RBM15: variants seen among roughly 807,000 people sequenced by gnomAD.
RBM15 encodes RNA binding motif protein 15.
RBM15 carries 8 observed loss-of-function variants against 62.6 expected under a neutral mutation model. The ratio of observed to expected loss-of-function variants is 0.13; its 90% CI spans 0.07 to 0.23. The LOEUF is 0.23. RBM15 is among the 10% of genes least tolerant of loss of function. The pLI, the probability that RBM15 is intolerant of heterozygous loss-of-function variation, is 1.00. For synonymous variants in RBM15, 606 were observed against 505.7 expected, an observed-to-expected ratio of 1.20 and a Z score of -2.66; for missense variants, 1,144 against 1,286.5, an observed-to-expected ratio of 0.89 and a Z score of 1.69.
chr1:110,341,056 G>C lies in RBM15; in HGVS notation c.1651G>C (p.Asp551His). ...LPLTHYELVT[D>H]AFGHRAPDPL... Reference sequence around the variant, plus strand: ...CTTGACTCATTATGAGCTGGTGACAGATGCTTTTGGACATCGGGCACCAGA... The same window carrying C: ...CTTGACTCATTATGAGCTGGTGACACATGCTTTTGGACATCGGGCACCAGA... Residue 551 changes from aspartate (D) to histidine (H), a missense_variant, in exon 1 of 3, where the codon GAT becomes CAT. Coordinates refer to ENST00000369784, the MANE Select transcript of RBM15 (RefSeq NM_022768.5). This position sits in a 1 kb window ranked among gnomAD's most constrained non-coding sequence, Gnocchi z 4.5. The C allele has an allele frequency of 6.2e-7, 1 of 1,614,210 alleles. No homozygotes were observed. The highest frequency in any genetic ancestry group is 8.5e-7 in the Non-Finnish European group (1 of 1,180,050).
In RBM15 at chr1:110,340,116, C is replaced by G; in HGVS notation, c.711C>G (p.Arg237=). ...GGGCGGCCAAGCATGCCAGAGGCCGCCTGGTGCTCTATGACCGGCCTCTGA... is the reference window on the plus strand; with the variant it reads ...GGGCGGCCAAGCATGCCAGAGGCCGGCTGGTGCTCTATGACCGGCCTCTGA... ...DARAAKHARG[R]LVLYDRPLKI... is the part of the protein sequence containing the mutation. Residue 237 remains arginine, a synonymous_variant, in exon 1 of 3, where the codon CGC becomes CGG. Coordinates refer to ENST00000369784, the MANE Select transcript of RBM15 (RefSeq NM_022768.5). This position sits in a 1 kb window ranked among gnomAD's most constrained non-coding sequence, Gnocchi z 5.8. The G allele has an allele frequency of 6.2e-7, 1 of 1,613,856 alleles. No homozygotes were observed. The highest frequency in any genetic ancestry group is 8.5e-7 in the Non-Finnish European group (1 of 1,179,956).
rs1186774869 is a variant in RBM15 at position 110,341,213 on chromosome 1, C to T, written c.1808C>T (p.Thr603Ile). ...GAACGCAGCACTCGGACTGCAGCTA[C>T]TTCTGTGCCTGCTTACGAGCCACTG... ...VRERSTRTAA[T>I]SVPAYEPLDS... The change falls in exon 1 of 3, where the codon ACT (threonine) becomes ATT (isoleucine). Residue 603 changes from threonine to isoleucine, a missense_variant. By Grantham distance (89) the Thr-to-Ile change is moderately conservative. Transcript: ENST00000369784. The surrounding 1 kb of genome is among the most constrained non-coding windows in gnomAD (Gnocchi z 4.5). The T allele has an allele frequency of 1.9e-6, 3 of 1,614,138 alleles. No individual in the cohort carries two copies. The highest frequency in any genetic ancestry group is 2.5e-6 in the Non-Finnish European group (3 of 1,180,024).
At chr1:110,342,649 G>A (rs1198133079) in intron 1 of RBM15, 1 of 208,834 alleles carries the variant, frequency 4.8e-6, no homozygotes, top group Non-Finnish European at 9.4e-6. Context: ...TTGGAGAAAG[G>A]AGTCCACTGA....
intron 1 of RBM15, chr1:110,342,517 G>T: frequency 2.5e-6 from 1 of 400,366 alleles, no homozygotes; most frequent in Non-Finnish European, 4.4e-6. Context: ...AGACAGATTT[G>T]CTTTAATTAG....
rs192248579 is a variant in RBM15, at chr1:110,341,726, C to T, written c.2321C>T (p.Thr774Ile). The T allele has an allele frequency of 1.2e-6, 2 of 1,614,200 alleles. No individual in the cohort carries two copies. Among genetic ancestry groups the T allele is most frequent in the African/African-American group, 2.7e-5 (2 of 75,056 alleles). The change falls in exon 1 of 3, where the codon ACA (threonine) becomes ATA (isoleucine). Residue 774 changes from threonine (T) to isoleucine (I), a missense_variant. Around this residue, in one of 8 missense-constraint regions of RBM15, gnomAD observed 360 missense variants for 342.9 expected, o/e 1.05. Transcript: ENST00000369784. This position sits in a 1 kb window ranked among gnomAD's most constrained non-coding sequence, Gnocchi z 4.5. The part of the protein sequence containing the change: ...KSPSQKQDGG[T>I]APVASASPKL... The stretch of plus-strand genomic sequence containing the variant: ...CCGTCCCAGAAACAGGATGGGGGGA[C>T]AGCCCCTGTGGCATCAGCCTCTCCC...
intron 1 of RBM15, among the ~76,000 whole-genome samples, chr1:110,342,911 C>T (rs1660831672): frequency 6.6e-6 from 1 of 152,160 alleles, no homozygotes; most frequent in South Asian, 2.1e-4. Flanking sequence ...CATATATGCA[C>T]TTTTGGTTTG....
In RBM15 at chr1:110,340,856, T is replaced by C. The variant is rs1442440277; in HGVS notation, c.1451T>C (p.Ile484Thr). Reference sequence around the variant, plus strand: ...GATCGATTTGGCACCATACGCACCATAGACTACCGAAAAGGTGATAGTTGG... The same window carrying C: ...GATCGATTTGGCACCATACGCACCACAGACTACCGAAAAGGTGATAGTTGG... ...EFDRFGTIRT[I>T]DYRKGDSWAY... Residue 484 changes from isoleucine to threonine, a missense_variant, in exon 1 of 3, where the codon ATA (isoleucine) becomes ACA (threonine). Physicochemically the swap from Ile to Thr is moderately conservative, Grantham distance 89. This residue lies in a region of RBM15 where 105 missense variants were observed against 193.6 expected (regional missense o/e 0.54). Coordinates refer to ENST00000369784, the MANE Select transcript of RBM15 (RefSeq NM_022768.5). The surrounding 1 kb of genome is among the most constrained non-coding windows in gnomAD (Gnocchi z 5.8). 6.2e-7 allele frequency: 1 copy of C among 1,614,194 alleles called. No individual in the cohort carries two copies. The highest frequency in any genetic ancestry group is 2.2e-5 in the East Asian group (1 of 44,878).
chr1:110,342,670 A>G (rs1366652855), intron 1 of RBM15: 4 of 186,408 alleles, frequency 2.1e-5, no homozygotes, highest in Non-Finnish European at 4.4e-5. Flanking sequence ...CCATATAAAG[A>G]GAGTAATAGC....
intron 1 of RBM15, 51 bp downstream of exon 1, chr1:110,342,319 C>T (rs1192118671): frequency 6.9e-7 from 1 of 1,455,102 alleles, no homozygotes; most frequent in East Asian, 2.3e-5. Flanking sequence ...TGACATGGTT[C>T]CTGTTTTGTG....
chr1:110,342,488 C>G (rs1660819881), intron 1 of RBM15: 1 of 416,916 alleles, frequency 2.4e-6, no homozygotes, highest in East Asian at 3.5e-5. Context: ...AAGGGATGCC[C>G]TAAAGGTAGC....
At chr1:110,345,416 A>G in intron 1 of RBM15, 123 bp from the exon 2 acceptor site, 7 of 743,514 alleles carry the variant, frequency 9.4e-6, no homozygotes, top group East Asian at 2.5e-5. Flanking sequence ...ATAGGAACCA[A>G]TCACCAAAAA....
At position 110,340,316 on chromosome 1, in the gene RBM15, A is replaced by G. The variant is rs1660768784; in HGVS notation, c.911A>G (p.Asp304Gly). 6 of 1,614,086 alleles carry G rather than the reference A, an allele frequency of 3.7e-6. No homozygotes were observed. The highest frequency in any genetic ancestry group is 5.1e-6 in the Non-Finnish European group (6 of 1,180,040). ...SPGGAALGYRDYRLQQLALGR... is the reference protein window; with the variant it reads ...SPGGAALGYRGYRLQQLALGR... ...GGTGGCGCTGCTTTGGGATACAGAG[A>G]CTACCGGCTGCAGCAGTTGGCTCTT... The change falls in exon 1 of 3, where the codon GAC (aspartate) becomes GGC (glycine). Residue 304 changes from aspartate to glycine, a missense_variant. Coordinates refer to ENST00000369784, the MANE Select transcript of RBM15 (RefSeq NM_022768.5). The surrounding 1 kb of genome is among the most constrained non-coding windows in gnomAD (Gnocchi z 5.8).
In RBM15 at chr1:110,340,857, A is replaced by G; in HGVS notation, c.1452A>G (p.Ile484Met). 1 of 1,614,198 alleles carries G rather than the reference A, an allele frequency of 6.2e-7. No homozygotes were observed. The highest frequency in any genetic ancestry group is 8.5e-7 in the Non-Finnish European group (1 of 1,180,048). The stretch of plus-strand genomic sequence containing the variant: ...ATCGATTTGGCACCATACGCACCAT[A>G]GACTACCGAAAAGGTGATAGTTGGG... ...EFDRFGTIRT[I>M]DYRKGDSWAY... Residue 484 changes from isoleucine (I) to methionine (M), a missense_variant, in exon 1 of 3, where the codon ATA (isoleucine) becomes ATG (methionine). Transcript: ENST00000369784. The surrounding 1 kb of genome is among the most constrained non-coding windows in gnomAD (Gnocchi z 5.8).
rs549243129 is a variant in RBM15, at chr1:110,342,665, T to C, written c.2863+397T>C. On this transcript the variant is annotated intron_variant, in intron 1 of 2. Transcript: ENST00000369784. The stretch of plus-strand genomic sequence containing the variant: ...TGGAGAAAGGAGTCCACTGACCATA[T>C]AAAGAGAGTAATAGCCACCTAAAAA... The C allele has an allele frequency of 1.3e-3, 246 of 190,006 alleles. 1 individual carries two copies. Among genetic ancestry groups the C allele is most frequent in the African/African-American group, 5.4e-3 (233 of 43,128 alleles). The allele number at this position is 190,006 out of a possible 1,614,324, so 11.8% of individuals were successfully genotyped here.
At position 110,341,620 on chromosome 1, in the gene RBM15, G is replaced by A. The variant is rs1378537620; in HGVS notation, c.2215G>A (p.Gly739Arg). 1.2e-6 allele frequency: 2 copies of A among 1,614,118 alleles called. No homozygotes were observed. The highest frequency in any genetic ancestry group is 1.7e-6 in the Non-Finnish European group (2 of 1,180,026). Residue 739 changes from glycine to arginine, a missense_variant, in exon 1 of 3, where the codon GGA becomes AGA. Gly to Arg is a moderately radical substitution (Grantham distance 125, BLOSUM62 -2). Around this residue, in one of 8 missense-constraint regions of RBM15, gnomAD observed 360 missense variants for 342.9 expected, o/e 1.05. Transcript: ENST00000369784. This position sits in a 1 kb window ranked among gnomAD's most constrained non-coding sequence, Gnocchi z 4.5. Reference protein sequence around the residue: ...RKHRTTAPTEGKSPLKKEDRS... With the variant: ...RKHRTTAPTERKSPLKKEDRS... ...GCACCGGACAACTGCTCCCACTGAG[G>A]GAAAAAGCCCTCTGAAAAAAGAAGA... is the stretch of plus-strand genomic sequence containing the variant.
chr1:110,341,502 C>A lies in RBM15; in HGVS notation c.2097C>A (p.Pro699=). The A allele has an allele frequency of 6.2e-7, 1 of 1,614,130 alleles. No individual in the cohort carries two copies. The highest frequency in any genetic ancestry group is 8.5e-7 in the Non-Finnish European group (1 of 1,180,044). Reference sequence around the variant, plus strand: ...CTTCCCGTCTTCTCTTGGAAAGGCCCTCTCCAATCAGAGACAGACGAGGTA... The same window carrying A: ...CTTCCCGTCTTCTCTTGGAAAGGCCATCTCCAATCAGAGACAGACGAGGTA... ...DRSSRLLLER[P]SPIRDRRGSL... The change falls in exon 1 of 3, where the codon CCC becomes CCA. Residue 699 remains proline (P), a synonymous_variant. Transcript: ENST00000369784. The surrounding 1 kb of genome is among the most constrained non-coding windows in gnomAD (Gnocchi z 4.5).
Position 110,340,815 on chromosome 1 carries a change from C to T in RBM15, c.1410C>T (p.Ala470=). 1.9e-6 allele frequency: 3 copies of T among 1,614,162 alleles called. No individual in the cohort carries two copies. Among genetic ancestry groups the T allele is most frequent in the African/African-American group, 1.3e-5 (1 of 75,036 alleles). The part of the protein sequence containing the change: ...GGLGPWVPLA[A]LAREFDRFGT... The stretch of plus-strand genomic sequence containing the variant: ...TGGGACCTTGGGTTCCTCTTGCTGC[C>T]CTGGCACGAGAATTTGATCGATTTG... The change falls in exon 1 of 3, where the codon GCC becomes GCT. Residue 470 remains alanine, a synonymous_variant. Coordinates refer to ENST00000369784, the MANE Select transcript of RBM15 (RefSeq NM_022768.5). The surrounding 1 kb of genome is among the most constrained non-coding windows in gnomAD (Gnocchi z 5.8).
intron 1 of RBM15, 69 bp downstream of exon 1, chr1:110,342,337 A>G (rs541433952): frequency 1.0e-5 from 13 of 1,272,946 alleles, no homozygotes; most frequent in South Asian, 6.5e-5. Flanking sequence ...GTGATGTGTA[A>G]TGGGATACAG....
chr1:110,341,557 G>A lies in RBM15; in HGVS notation c.2152G>A (p.Asp718Asn). The A allele has an allele frequency of 9.3e-6, 15 of 1,614,090 alleles. No homozygotes were observed. Among genetic ancestry groups the A allele is most frequent in the Non-Finnish European group, 1.3e-5 (15 of 1,180,032 alleles). ...SLEKSQGDKR[D>N]RKNSASAERD... ...GGAGAAGAGCCAGGGTGACAAGCGA[G>A]ACCGTAAAAACTCTGCATCAGCTGA... The change falls in exon 1 of 3, where the codon GAC becomes AAC. Residue 718 changes from aspartate (D) to asparagine (N), a missense_variant. By Grantham distance (23) the Asp-to-Asn change is conservative. This residue lies in a region of RBM15 where 360 missense variants were observed against 342.9 expected (regional missense o/e 1.05). Transcript: ENST00000369784. This position sits in a 1 kb window ranked among gnomAD's most constrained non-coding sequence, Gnocchi z 4.5.
Sources: allele counts gnomAD v4.1 joint callset (sites outside exome capture counted in the v4.1 genomes callset), GRCh38; gene constraint gnomAD v4.1.1; regional missense constraint gnomAD v4.1.1; non-coding constraint Gnocchi (gnomAD v3.1); transcripts MANE v1.5; gene names NCBI Gene and HGNC (gene_info 2026-07-23, HGNC 2026-07-21).